Variants in PGBD5 observed in about 807,000 individuals in gnomAD.
PGBD5 encodes the protein piggyBac transposable element-derived protein 5.
A neutral mutation model predicts 47.9 loss-of-function variants in PGBD5; 14 were observed. That is an observed-to-expected ratio of 0.29 (90% CI 0.19 to 0.46). PGBD5 has a LOEUF of 0.46. PGBD5 is among the 20% of genes least tolerant of loss of function. The probability of loss-of-function intolerance (pLI) is 1.00; values close to 1 mark genes in which losing one functional copy is unlikely to be tolerated. For missense variants in PGBD5, 635 were observed against 716.0 expected (o/e 0.89, Z 1.29); for synonymous variants, 316 against 306.3 (o/e 1.03, Z -0.33).
At chr1:230,374,066 C>T (rs1423150351) in intron 1 of PGBD5, among the ~76,000 whole-genome samples, 1 of 152,106 alleles carries the variant, frequency 6.6e-6, no homozygotes, top group Non-Finnish European at 1.5e-5. Context: ...CTGGAATATT[C>T]ATGATATAGA....
At chr1:230,331,913 T>G (rs1317382231) in intron 5 of PGBD5, among the ~76,000 whole-genome samples, 1 of 141,794 alleles carries the variant, frequency 7.1e-6, no homozygotes, top group African/African-American at 2.6e-5. Flanking sequence ...CAATCTCCAC[T>G]GAGGCGTGAT....
intron 1 of PGBD5, among the ~76,000 whole-genome samples, chr1:230,412,394 T>TG (rs1184939329): frequency 1.3e-5 from 2 of 150,462 alleles, no homozygotes; most frequent in Admixed American, 1.3e-4. Flanking sequence ...AGTCTTTTTT[T>TG]TTTTTTTTTT....
intron 1 of PGBD5, among the ~76,000 whole-genome samples, chr1:230,401,252 C>G (rs1490611060): frequency 6.6e-6 from 1 of 152,222 alleles, no homozygotes; most frequent in African/African-American, 2.4e-5. Context: ...CCTGGCTCCA[C>G]CCCTCACATG....
intron 1 of PGBD5, among the ~76,000 whole-genome samples, chr1:230,415,138 C>T (rs1403539088): frequency 6.6e-6 from 1 of 152,068 alleles, no homozygotes; most frequent in Admixed American, 6.6e-5. Context: ...CATGGTGGCG[C>T]CTATCTGTAG....
At chr1:230,416,306 T>C (rs1256672693) in intron 1 of PGBD5, among the ~76,000 whole-genome samples, 2 of 152,208 alleles carry the variant, frequency 1.3e-5, no homozygotes, top group African/African-American at 2.4e-5. Context: ...TCCACTATTT[T>C]GGATGTTGGA....
intron 1 of PGBD5, among the ~76,000 whole-genome samples, chr1:230,391,748 C>T (rs1194476127): frequency 6.6e-6 from 1 of 152,200 alleles, no homozygotes; most frequent in Non-Finnish European, 1.5e-5. Flanking sequence ...GAAAAATAAA[C>T]CTCTTCCTCA....
chr1:230,405,569 A>G (rs1348494735), intron 1 of PGBD5, among the ~76,000 whole-genome samples: 3 of 152,244 alleles, frequency 2.0e-5, no homozygotes, highest in Non-Finnish European at 2.9e-5. Flanking sequence ...TTATTAGTTA[A>G]GTTTTATACA....
rs113648366 is a variant in PGBD5 at position 230,329,121 on chromosome 1, T to TGG, written c.1274-3707_1274-3706insCC. ...TACGCCATGCCCAGCTAATTTTTTT[T>TGG]TGGGGGGGGAGGTGGTATTTTTTGC... is the stretch of plus-strand genomic sequence containing the variant. On this transcript the variant is annotated intron_variant, in intron 5 of 6. Coordinates refer to ENST00000391860, the MANE Select transcript of PGBD5 (RefSeq NM_001258311.2). Among the ~76,000 whole-genome samples, 75 of 139,606 alleles carry TGG rather than the reference T, an allele frequency of 5.4e-4. 1 individual carries two copies. Among genetic ancestry groups the TGG allele is most frequent in the Non-Finnish European group, 8.2e-4 (52 of 63,338 alleles). The allele number at this position is 139,606 out of a possible 152,430, so 91.6% of individuals were successfully genotyped here.
chr1:230,380,916 G>A (rs1455999481), intron 1 of PGBD5, among the ~76,000 whole-genome samples: 1 of 152,232 alleles, frequency 6.6e-6, no homozygotes, highest in African/African-American at 2.4e-5. Context: ...ACGGTAAAGG[G>A]AAGAGTCAGA....
chr1:230,412,534 A>C (rs1657433625), intron 1 of PGBD5, among the ~76,000 whole-genome samples: 2 of 151,870 alleles, frequency 1.3e-5, no homozygotes, highest in Non-Finnish European at 2.9e-5. Flanking sequence ...GACTACAGGC[A>C]CCCACCACCA....
At chr1:230,349,734 C>T (rs12057698) in intron 3 of PGBD5, among the ~76,000 whole-genome samples, 11,587 of 152,140 alleles carry the variant, frequency 0.076, 1,336 homozygotes, top group African/African-American at 0.25. Flanking sequence ...AGTATCATCA[C>T]AAAAGGCACT....
intron 1 of PGBD5, among the ~76,000 whole-genome samples, chr1:230,393,043 G>A (rs776055097): frequency 1.3e-5 from 2 of 149,432 alleles, no homozygotes; most frequent in Non-Finnish European, 3.0e-5. Context: ...GAGAAAGGAA[G>A]GAAAAGAGGA....
chr1:230,381,717 G>A (rs1161009712), intron 1 of PGBD5, among the ~76,000 whole-genome samples: 3 of 152,110 alleles, frequency 2.0e-5, no homozygotes, highest in Non-Finnish European at 4.4e-5. Context: ...CACCCTCCAC[G>A]CCCAGGGTTC....
rs114043753 is a variant in PGBD5, at chr1:230,376,398, T to C, written c.332-19077A>G. On this transcript the variant is annotated intron_variant, in intron 1 of 6. Transcript: ENST00000391860. ...CCCAGAATTCTACAGAAAGTAGAAT[T>C]ATCATCCAACACCACCTCAGAATGA... is the stretch of plus-strand genomic sequence containing the variant. Among the ~76,000 whole-genome samples the C allele has an allele frequency of 1.7e-3, 259 of 151,624 alleles. 1 individual carries two copies. Among genetic ancestry groups the C allele is most frequent in the African/African-American group, 6.0e-3 (247 of 41,110 alleles).
intron 1 of PGBD5, chr1:230,362,135 T>C: frequency 8.6e-7 from 1 of 1,162,210 alleles, no homozygotes; most frequent in African/African-American, 1.6e-5. Flanking sequence ...TGAAGGGCTG[T>C]GAGCACCACG....
chr1:230,377,411 GT>G (rs1224058174), intron 1 of PGBD5: 1 of 1,376,248 alleles, frequency 7.3e-7, no homozygotes, highest in Non-Finnish European at 1.0e-6. Flanking sequence ...GGCAGAAGCT[GT>G]GATGATGATG....
At chr1:230,413,706 G>A (rs1571865136) in intron 1 of PGBD5, among the ~76,000 whole-genome samples, 1 of 152,124 alleles carries the variant, frequency 6.6e-6, no homozygotes, top group East Asian at 1.9e-4. Flanking sequence ...ATGCCTTCAC[G>A]CTGTCTCCTG....
chr1:230,344,178 G>A (rs529287181), intron 3 of PGBD5, among the ~76,000 whole-genome samples: 178 of 150,604 alleles, frequency 1.2e-3, no homozygotes, highest in South Asian at 2.9e-3. Context: ...CCAGCTACTC[G>A]GGAGGCTGAG....
chr1:230,361,826 CAAG>C (rs2102709757), intron 1 of PGBD5, among the ~76,000 whole-genome samples: 1 of 152,332 alleles, frequency 6.6e-6, no homozygotes, highest in African/African-American at 2.4e-5. Flanking sequence ...GCTGTGCCTA[CAAG>C]AAGGGCCCCA....
Sources: gnomAD v4.1 joint callset for allele counts (sites outside exome capture counted in the v4.1 genomes callset) on GRCh38, gnomAD v4.1.1 for gene constraint, MANE v1.5 for transcripts, NCBI Gene and HGNC (gene_info 2026-07-23, HGNC 2026-07-21) for gene names.